The following TBX20 variants were observed in gnomAD, a reference collection of about 807,000 sequenced individuals.
TBX20 encodes T-box transcription factor TBX20.
A neutral mutation model predicts 42.9 loss-of-function variants in TBX20; 8 were observed. That is an observed-to-expected ratio of 0.19 (90% confidence interval 0.11 to 0.34). The LOEUF (loss-of-function observed/expected upper bound fraction) is 0.34, where lower values mean the gene tolerates loss of function less well. TBX20 is among the 10% of genes least tolerant of loss of function. The probability of loss-of-function intolerance (pLI) is 1.00; values close to 1 mark genes in which losing one functional copy is unlikely to be tolerated. For synonymous variants in TBX20, 198 were observed against 222.8 expected (o/e 0.89, Z 0.99); for missense variants, 411 against 566.0 (o/e 0.73, Z 2.78).
rs1346572736 is a variant in TBX20, at chr7:35,204,320, T to C, written c.1003+150A>G. The C allele has an allele frequency of 1.6e-5, 11 of 704,450 alleles. No individual in the cohort carries two copies. In the Admixed American group the frequency reaches 2.2e-4, roughly 14 times the overall value. The allele number at this position is 704,450 out of a possible 1,614,324, so 43.6% of individuals were successfully genotyped here. On this transcript the variant is annotated intron_variant, in intron 7 of 7. Coordinates refer to ENST00000408931, the MANE Select transcript of TBX20 (RefSeq NM_001077653.2). ...AAATAATGAAATCTGTGAGGATCAGTGTCGGGGCTCTCCCTTCCCAAGGAG... is the reference window on the plus strand; with the variant it reads ...AAATAATGAAATCTGTGAGGATCAGCGTCGGGGCTCTCCCTTCCCAAGGAG...
At chr7:35,248,560 G>T in intron 3 of TBX20, 117 bp downstream of exon 3, 1 of 1,124,692 alleles carries the variant, frequency 8.9e-7, no homozygotes, top group Non-Finnish European at 1.3e-6. Flanking sequence ...GGCTTGGAAT[G>T]CTCTCTTGCC....
intron 1 of TBX20, among the ~76,000 whole-genome samples, chr7:35,253,096 G>C (rs1472146220): frequency 2.7e-5 from 4 of 145,722 alleles, no homozygotes; most frequent in Non-Finnish European, 6.0e-5. Flanking sequence ...AATTAAACTG[G>C]TTTCTTATGA....
chr7:35,253,656 C>A lies in TBX20; in HGVS notation c.-36G>T. ...ACGCGGTCCTGGCCAGGGACGGGGT[C>A]GTCCGAACTGCCGTCCAGATTCCCC... On this transcript the variant is annotated 5_prime_UTR_variant, in exon 1 of 8. Transcript: ENST00000408931. 6.2e-7 allele frequency: 1 copy of A among 1,601,762 alleles called. No individual in the cohort carries two copies. Among genetic ancestry groups the A allele is most frequent in the South Asian group, 1.1e-5 (1 of 90,634 alleles).
intron 7 of TBX20, among the ~76,000 whole-genome samples, chr7:35,203,559 TA>T (rs564118702): frequency 8.7e-4 from 133 of 152,358 alleles, no homozygotes; most frequent in Admixed American, 1.5e-3. Context: ...GCTTGATTAT[TA>T]GAATACAGAA....
At chr7:35,223,052 G>C (rs1443195905) in intron 6 of TBX20, among the ~76,000 whole-genome samples, 1 of 152,240 alleles carries the variant, frequency 6.6e-6, no homozygotes, top group Admixed American at 6.5e-5. Context: ...GGTAAGAGTG[G>C]TAGCAGTGAA....
At chr7:35,237,609 G>A (rs1203878099) in intron 5 of TBX20, among the ~76,000 whole-genome samples, 2 of 151,528 alleles carry the variant, frequency 1.3e-5, no homozygotes, top group East Asian at 1.9e-4. Flanking sequence ...AAATTTGGGG[G>A]AAAGCAAATT....
chr7:35,251,314 G>A (rs368110963), intron 1 of TBX20, among the ~76,000 whole-genome samples: 10 of 152,242 alleles, frequency 6.6e-5, no homozygotes, highest in Admixed American at 2.0e-4. Context: ...TATGGGACAC[G>A]CACAGATCAT....
At chr7:35,244,268 A>C (rs1790138106) in intron 4 of TBX20, among the ~76,000 whole-genome samples, 1 of 152,230 alleles carries the variant, frequency 6.6e-6, no homozygotes, top group Non-Finnish European at 1.5e-5. Flanking sequence ...AAGGACCTGC[A>C]TCATTGACTA....
intron 6 of TBX20, among the ~76,000 whole-genome samples, chr7:35,218,284 T>A (rs1789623714): frequency 6.6e-6 from 1 of 152,176 alleles, no homozygotes; most frequent in African/African-American, 2.4e-5. Flanking sequence ...TGTAAATATA[T>A]AAACAAAAGT....
chr7:35,216,477 A>G (rs1200531118), intron 6 of TBX20, among the ~76,000 whole-genome samples: 15 of 152,354 alleles, frequency 9.8e-5, no homozygotes, highest in African/African-American at 3.6e-4. Flanking sequence ...TAAAGCTCTT[A>G]GAGTTATTAA....
intron 6 of TBX20, among the ~76,000 whole-genome samples, chr7:35,218,011 C>T (rs1168416039): frequency 3.9e-5 from 6 of 152,204 alleles, no homozygotes; most frequent in African/African-American, 1.4e-4. Flanking sequence ...TGAGCCATTG[C>T]GCCCGGCCCA....
rs1289885180 is a variant in TBX20 at position 35,253,742 on chromosome 7, G to GGGACTCCAGAAGTGT, written c.-137_-123dup. ...TCCGAGAGCAGTCACAGCGGGGCCA[G>GGGACTCCAGAAGTGT]GGACTCCAGAAGTGTCAGCTCCAAC... On this transcript the variant is annotated 5_prime_UTR_variant, in exon 1 of 8. Transcript: ENST00000408931. 8 of 1,335,542 alleles carry GGGACTCCAGAAGTGT rather than the reference G, an allele frequency of 6.0e-6. No homozygotes were observed. In the Admixed American group the frequency reaches 1.6e-4, roughly 27 times the overall value. The allele number at this position is 1,335,542 out of a possible 1,614,324, so 82.7% of individuals were successfully genotyped here.
intron 6 of TBX20, among the ~76,000 whole-genome samples, chr7:35,224,530 G>T (rs1789737536): frequency 6.6e-6 from 1 of 152,204 alleles, no homozygotes. Context: ...AAATTAGCTG[G>T]ACGTGGTGGC....
Position 35,249,896 on chromosome 7 carries a change from C to T in TBX20, c.380+55G>A. The T allele has an allele frequency of 6.4e-7, 1 of 1,556,848 alleles. No homozygotes were observed. On this transcript the variant is annotated intron_variant, in intron 2 of 7. Transcript: ENST00000408931. This position sits in a 1 kb window ranked among gnomAD's most constrained non-coding sequence, Gnocchi z 4.3. ...AGTTCCTGGAAGCACCCTCAACTAC[C>T]CAGGGAGTGTCCTGACTCTCCACCC...
At chr7:35,245,092 C>T (rs1342018631) in intron 3 of TBX20, 35 bp from the exon 4 acceptor site, 1 of 1,426,578 alleles carries the variant, frequency 7.0e-7, no homozygotes, top group Non-Finnish European at 9.8e-7. Context: ...ATTGAGACTT[C>T]TTTAAAAAGT....
At chr7:35,213,013 C>T (rs942475697) in intron 6 of TBX20, among the ~76,000 whole-genome samples, 4 of 152,180 alleles carry the variant, frequency 2.6e-5, no homozygotes, top group Non-Finnish European at 4.4e-5. Flanking sequence ...GACCTCTCAA[C>T]TCAGGGAGTC....
chr7:35,210,330 T>C (rs1789474309), intron 6 of TBX20, among the ~76,000 whole-genome samples: 1 of 151,938 alleles, frequency 6.6e-6, no homozygotes, highest in African/African-American at 2.4e-5. Flanking sequence ...TTAGCCAGGA[T>C]GGTCTCGATC....
intron 6 of TBX20, among the ~76,000 whole-genome samples, chr7:35,208,447 C>T (rs1403668268): frequency 1.3e-5 from 2 of 151,934 alleles, no homozygotes; most frequent in Admixed American, 6.6e-5. Context: ...GTTGAATTAG[C>T]AGTGGTAAGA....
chr7:35,244,894 G>A, intron 4 of TBX20, 55 bp downstream of exon 4: 1 of 1,284,386 alleles, frequency 7.8e-7, no homozygotes, highest in Non-Finnish European at 1.1e-6. Context: ...ACAGTTTTGT[G>A]CGACCTGTCC....
Sources: allele counts gnomAD v4.1 joint callset (sites outside exome capture counted in the v4.1 genomes callset), GRCh38; gene constraint gnomAD v4.1.1; non-coding constraint Gnocchi (gnomAD v3.1); transcripts MANE v1.5; gene names NCBI Gene and HGNC (gene_info 2026-07-23, HGNC 2026-07-21).